Variants in ZZZ3 observed in about 807,000 individuals in gnomAD.
ZZZ3 encodes the protein zinc finger ZZ-type containing 3.
ZZZ3 carries 22 observed loss-of-function variants against 95.2 expected under a neutral mutation model. The ratio of observed to expected loss-of-function variants is 0.23; its 90% CI spans 0.17 to 0.33. ZZZ3 has a LOEUF of 0.33. Among genes scored for constraint, ZZZ3 ranks in the 10% least tolerant of loss-of-function variants. The pLI is 1.00. For missense variants in ZZZ3, 885 were observed against 1,066.5 expected, an observed-to-expected ratio of 0.83 and a Z score of 2.37; for synonymous variants, 335 against 358.9, an observed-to-expected ratio of 0.93 and a Z score of 0.75.
Position 77,611,447 on chromosome 1 carries a change from T to A in ZZZ3, c.1505+20403A>T, listed in dbSNP as rs570202902. Among the ~76,000 whole-genome samples the A allele has an allele frequency of 5.0e-3, 757 of 151,906 alleles. 2 individuals carry two copies. The highest frequency in any genetic ancestry group is 8.6e-3 in the Non-Finnish European group (581 of 67,860). On this transcript the variant is annotated intron_variant, in intron 5 of 14. Transcript: ENST00000370801. ...GATTTAATGCAATCCCTATCAAAATTCCAATGTCATTTTTCATAGATATAG... is the reference window on the plus strand; with the variant it reads ...GATTTAATGCAATCCCTATCAAAATACCAATGTCATTTTTCATAGATATAG...
At chr1:77,579,665 T>A in intron 9 of ZZZ3, 37 bp from the exon 10 acceptor site, 1 of 1,179,822 alleles carries the variant, frequency 8.5e-7, no homozygotes, top group Non-Finnish European at 1.2e-6. Context: ...AGAAAATATG[T>A]ATTTAATTTT....
chr1:77,585,941 A>C (rs998424465), intron 5 of ZZZ3, among the ~76,000 whole-genome samples: 3 of 152,236 alleles, frequency 2.0e-5, no homozygotes, highest in Admixed American at 6.5e-5. Flanking sequence ...ATTTTTAATA[A>C]TTAAGGTAAA....
intron 1 of ZZZ3, among the ~76,000 whole-genome samples, chr1:77,667,486 C>A (rs1000701378): frequency 2.0e-5 from 3 of 152,088 alleles, no homozygotes; most frequent in East Asian, 1.9e-4. Context: ...CAAAAGCCTT[C>A]TTTCTTCTTT....
chr1:77,596,660 G>A (rs1004066315), intron 5 of ZZZ3, among the ~76,000 whole-genome samples: 2 of 152,078 alleles, frequency 1.3e-5, no homozygotes, highest in Non-Finnish European at 2.9e-5. Context: ...TAAGACCAAA[G>A]GCAAGAGGAA....
intron 5 of ZZZ3, among the ~76,000 whole-genome samples, chr1:77,600,879 TC>T (rs1314745615): frequency 6.6e-6 from 1 of 152,170 alleles, no homozygotes; most frequent in African/African-American, 2.4e-5. Context: ...TACACAGTGC[TC>T]TATAAAACCA....
In ZZZ3 at chr1:77,632,158, G is replaced by A; in HGVS notation, c.1197C>T (p.Tyr399=). 2 of 1,614,060 alleles carry A rather than the reference G, an allele frequency of 1.2e-6. No individual in the cohort carries two copies. The highest frequency in any genetic ancestry group is 1.7e-6 in the Non-Finnish European group (2 of 1,180,006). ...RGSPTKNSSP[Y]RENGQFEENN... ...TCTCCTCAAATTGTCCATTTTCTCT[G>A]TAAGGAGAACTGTTTTTAGTGGGAC... The change falls in exon 5 of 15, where the codon TAC becomes TAT. Residue 399 remains tyrosine (Y), a synonymous_variant. Transcript: ENST00000370801.
At chr1:77,630,586 TG>T (rs1667719662) in intron 5 of ZZZ3, among the ~76,000 whole-genome samples, 1 of 152,246 alleles carries the variant, frequency 6.6e-6, no homozygotes, top group African/African-American at 2.4e-5. Flanking sequence ...TGAGTTGTTT[TG>T]CTATCTAAAA....
chr1:77,621,002 T>C (rs1204249621), intron 5 of ZZZ3, among the ~76,000 whole-genome samples: 1 of 152,148 alleles, frequency 6.6e-6, no homozygotes, highest in Non-Finnish European at 1.5e-5. Context: ...AGTTTTTTTG[T>C]AGAAACAAAA....
chr1:77,651,613 G>A lies in ZZZ3; in HGVS notation c.-402-9958C>T, dbSNP rs117354543. Among the ~76,000 whole-genome samples the A allele has an allele frequency of 5.2e-4, 79 of 152,278 alleles. No individual in the cohort carries two copies. The East Asian group carries it at 0.013, about 24-fold the overall frequency. ...GAAATGTCACGTCATTGCTTAATGA[G>A]TACAGAGTTACAGTTATGCAAAATG... is the stretch of plus-strand genomic sequence containing the variant. On this transcript the variant is annotated intron_variant, in intron 1 of 14. Transcript: ENST00000370801.
intron 5 of ZZZ3, among the ~76,000 whole-genome samples, chr1:77,591,620 A>G (rs947376187): frequency 6.6e-5 from 10 of 152,230 alleles, no homozygotes; most frequent in Admixed American, 5.9e-4. Flanking sequence ...CTGGGATTAC[A>G]AGGCATAAGC....
intron 9 of ZZZ3, 41 bp downstream of exon 9, chr1:77,580,957 C>T: frequency 1.3e-6 from 2 of 1,542,424 alleles, no homozygotes; most frequent in Non-Finnish European, 1.8e-6. Flanking sequence ...TAACTGTTTA[C>T]TTGTTTTTTT....
At chr1:77,572,599 A>C (rs1012136975) in intron 12 of ZZZ3, among the ~76,000 whole-genome samples, 2 of 151,342 alleles carry the variant, frequency 1.3e-5, no homozygotes, top group Non-Finnish European at 2.9e-5. Flanking sequence ...CGGCCTCCCA[A>C]AATGCTGGGA....
At chr1:77,676,328 G>A (rs1402932834) in intron 1 of ZZZ3, among the ~76,000 whole-genome samples, 1 of 152,170 alleles carries the variant, frequency 6.6e-6, no homozygotes, top group African/African-American at 2.4e-5. Flanking sequence ...CACCACACCA[G>A]GCTAATTTTG....
intron 5 of ZZZ3, among the ~76,000 whole-genome samples, chr1:77,599,493 A>G (rs1216414245): frequency 6.6e-6 from 1 of 152,082 alleles, no homozygotes; most frequent in Non-Finnish European, 1.5e-5. Context: ...TTCTTGCCAT[A>G]CAATTCTTTT....
In ZZZ3 at chr1:77,633,218, C is replaced by A. The variant is rs1006503796; in HGVS notation, c.137G>T (p.Arg46Leu). Residue 46 changes from arginine to leucine, a missense_variant, in exon 5 of 15, where the codon CGA (arginine) becomes CTA (leucine). By Grantham distance (102) the Arg-to-Leu change is moderately radical. Around this residue, in one of 5 missense-constraint regions of ZZZ3, gnomAD observed 556 missense variants for 652.9 expected, o/e 0.85. Transcript: ENST00000370801. ...TGGTCTCTTCTTTGGTGATCTTGAT[C>A]GTACTTGAGAATTAGAAGAGATTTC... ...PEEISSNSQVRSRSPKKRPEP... is the reference protein window; with the variant it reads ...PEEISSNSQVLSRSPKKRPEP... 6.2e-7 allele frequency: 1 copy of A among 1,614,028 alleles called. No homozygotes were observed. The highest frequency in any genetic ancestry group is 2.2e-5 in the East Asian group (1 of 44,874).
At chr1:77,661,055 C>CAAAA (rs201335878) in intron 1 of ZZZ3, among the ~76,000 whole-genome samples, 1 of 80,390 alleles carries the variant, frequency 1.2e-5, no homozygotes. Flanking sequence ...TGCTTTAACG[C>CAAAA]AAAAAAAAAA....
chr1:77,568,473 A>T lies in ZZZ3; in HGVS notation c.2332-7T>A. 9.0e-6 allele frequency: 1 copy of T among 110,842 alleles called. No homozygotes were observed. Among genetic ancestry groups the T allele is most frequent in the South Asian group, 7.1e-5 (1 of 14,058 alleles). The allele number at this position is 110,842 out of a possible 1,614,324, so 6.9% of individuals were successfully genotyped here. ...TAGGAATACTTTCGTCATCCTATCA[A>T]AAAAAAAAAAAAAAAAAAATGTTGG... On this transcript the variant is annotated splice_region_variant and splice_polypyrimidine_tract_variant and intron_variant, in intron 12 of 14. Transcript: ENST00000370801.
At chr1:77,648,039 T>C (rs1008784562) in intron 1 of ZZZ3, among the ~76,000 whole-genome samples, 1 of 151,760 alleles carries the variant, frequency 6.6e-6, no homozygotes, top group African/African-American at 2.4e-5. Flanking sequence ...CAAGGTAAAA[T>C]TGAGAATGCC....
At chr1:77,572,120 T>G (rs1661447458) in intron 12 of ZZZ3, among the ~76,000 whole-genome samples, 3 of 152,216 alleles carry the variant, frequency 2.0e-5, no homozygotes, top group Admixed American at 2.0e-4. Context: ...AACTAAAATC[T>G]ATAAACTTTT....
Sources: allele counts gnomAD v4.1 joint callset (sites outside exome capture counted in the v4.1 genomes callset), GRCh38; gene constraint gnomAD v4.1.1; regional missense constraint gnomAD v4.1.1; transcripts MANE v1.5; gene names NCBI Gene and HGNC (gene_info 2026-07-23, HGNC 2026-07-21).